The following RIPOR2 variants were observed in gnomAD, a reference collection of about 807,000 sequenced individuals.
RIPOR2 encodes the protein RHO family interacting cell polarization regulator 2.
A neutral mutation model predicts 114.5 loss-of-function variants in RIPOR2; 39 were observed. The observed-to-expected ratio is 0.34, with a 90% CI of 0.26 to 0.44. The LOEUF (loss-of-function observed/expected upper bound fraction) is 0.44, where lower values mean the gene tolerates loss of function less well. RIPOR2 is among the 20% of genes least tolerant of loss of function. The pLI, the probability that RIPOR2 is intolerant of heterozygous loss-of-function variation, is 1.00. For missense variants in RIPOR2, 1,007 were observed against 1,255.1 expected, an observed-to-expected ratio of 0.80 and a Z score of 2.99; for synonymous variants, 445 against 484.4, an observed-to-expected ratio of 0.92 and a Z score of 1.07.
At chr6:24,877,991 G>A (rs1765967052) in intron 1 of RIPOR2, among the ~76,000 whole-genome samples, 3 of 152,120 alleles carry the variant, frequency 2.0e-5, no homozygotes, top group African/African-American at 7.2e-5. Flanking sequence ...ACAGGTGACT[G>A]GGATGAGTCA....
Position 24,883,229 on chromosome 6 carries a change from A to G in RIPOR2, c.62-7412T>C, listed in dbSNP as rs1766512991. 6.6e-6 allele frequency among the ~76,000 whole-genome samples: 1 copy of G among 152,226 alleles called. No homozygotes were observed. Among genetic ancestry groups the G allele is most frequent in the African/African-American group, 2.4e-5 (1 of 41,452 alleles). On this transcript the variant is annotated intron_variant, in intron 1 of 21. Coordinates refer to ENST00000643898, the MANE Select transcript of RIPOR2 (RefSeq NM_001286445.3). This position sits in a 1 kb window ranked among gnomAD's most constrained non-coding sequence, Gnocchi z 4.1. ...GACACATCTGTGATTTCTGAATGAC[A>G]TGAGTAAGGATATCTCAGTTCTCGC...
At chr6:24,838,958 A>G (rs934633296) in intron 14 of RIPOR2, 133 bp downstream of exon 14, 19 of 665,096 alleles carry the variant, frequency 2.9e-5, no homozygotes, top group African/African-American at 2.5e-4. Flanking sequence ...AAGGAACTGT[A>G]AGCCAACTGG....
At chr6:24,914,414 A>T (rs1769911231) in intron 1 of RIPOR2, among the ~76,000 whole-genome samples, 1 of 152,182 alleles carries the variant, frequency 6.6e-6, no homozygotes, top group Admixed American at 6.5e-5. Flanking sequence ...AATTGAGTGC[A>T]ACCCAGGTGC....
intron 1 of RIPOR2, among the ~76,000 whole-genome samples, chr6:24,960,838 A>C (rs1773269424): frequency 6.6e-6 from 1 of 152,020 alleles, no homozygotes; most frequent in South Asian, 2.1e-4. Flanking sequence ...CCTCAACACG[A>C]ATTTTGGAGA....
At chr6:24,911,426 C>A (rs1303267557) in intron 1 of RIPOR2, among the ~76,000 whole-genome samples, 1 of 151,554 alleles carries the variant, frequency 6.6e-6, no homozygotes, top group Non-Finnish European at 1.5e-5. Context: ...CTTTTGGGAT[C>A]TTTCATACAA....
intron 1 of RIPOR2, among the ~76,000 whole-genome samples, chr6:24,946,070 A>T (rs1004268405): frequency 3.0e-5 from 4 of 131,434 alleles, no homozygotes; most frequent in Non-Finnish European, 4.8e-5. Flanking sequence ...TTATTTACTT[A>T]TTTATTTATT....
intron 1 of RIPOR2, chr6:25,024,438 A>C (rs1215965852): frequency 2.0e-6 from 2 of 988,404 alleles, no homozygotes; most frequent in African/African-American, 3.2e-5. Flanking sequence ...GGAGGTGTCC[A>C]GGCCGCCACC....
intron 1 of RIPOR2, among the ~76,000 whole-genome samples, chr6:25,017,733 C>T (rs375652367): frequency 3.9e-5 from 6 of 152,304 alleles, no homozygotes; most frequent in Non-Finnish European, 7.3e-5. Context: ...GTGGTAGCTG[C>T]GGTGTGGGAG....
chr6:25,009,705 G>A (rs1275538540), intron 1 of RIPOR2, among the ~76,000 whole-genome samples: 4 of 152,186 alleles, frequency 2.6e-5, no homozygotes, highest in Non-Finnish European at 5.9e-5. Context: ...CTCCCATAAA[G>A]TCTATCTAAC....
chr6:24,858,884 C>A lies in RIPOR2; in HGVS notation c.715+2089G>T, dbSNP rs1409181901. On this transcript the variant is annotated intron_variant, in intron 8 of 21. Coordinates refer to ENST00000643898, the MANE Select transcript of RIPOR2 (RefSeq NM_001286445.3). This position sits in a 1 kb window ranked among gnomAD's most constrained non-coding sequence, Gnocchi z 4.0. ...CATCATCTCCTCCCTGAACACCAAGCCTGAAGCTCCAGATCTGGTCCGAGG... is the reference window on the plus strand; with the variant it reads ...CATCATCTCCTCCCTGAACACCAAGACTGAAGCTCCAGATCTGGTCCGAGG... Among the ~76,000 whole-genome samples, 2 of 152,152 alleles carry A rather than the reference C, an allele frequency of 1.3e-5. No homozygotes were observed. The highest frequency in any genetic ancestry group is 2.9e-5 in the Non-Finnish European group (2 of 68,032).
chr6:24,973,503 A>G (rs1773887699), intron 1 of RIPOR2, among the ~76,000 whole-genome samples: 4 of 151,680 alleles, frequency 2.6e-5, no homozygotes, highest in Admixed American at 2.6e-4. Flanking sequence ...AGGCTGAGGC[A>G]GGAGAATAGC....
chr6:24,846,161 CAT>C (rs1762246208), intron 12 of RIPOR2, among the ~76,000 whole-genome samples: 1 of 152,144 alleles, frequency 6.6e-6, no homozygotes, highest in African/African-American at 2.4e-5. Flanking sequence ...CATGAATATA[CAT>C]GTTATGTTAA....
Position 24,806,284 on chromosome 6 carries a change from G to C in RIPOR2, c.*89C>G. The stretch of plus-strand genomic sequence containing the variant: ...TTTATTTCAGTTGTCGTGTCTCTCA[G>C]GCTCTAAACAATTTCCAGCCCAAAC... On this transcript the variant is annotated 3_prime_UTR_variant, in exon 22 of 22. Coordinates refer to ENST00000643898, the MANE Select transcript of RIPOR2 (RefSeq NM_001286445.3). 6.7e-6 allele frequency: 6 copies of C among 901,446 alleles called. No homozygotes were observed. Among genetic ancestry groups the C allele is most frequent in the Middle Eastern group, 2.1e-4 (1 of 4,684 alleles). The allele number at this position is 901,446 out of a possible 1,614,324, so 55.8% of individuals were successfully genotyped here. A position where few individuals can be genotyped will look rare whatever the true frequency, so the allele number is the denominator to read the frequency against.
intron 1 of RIPOR2, among the ~76,000 whole-genome samples, chr6:24,973,545 T>C (rs1773890771): frequency 6.7e-6 from 1 of 148,250 alleles, no homozygotes; most frequent in Non-Finnish European, 1.5e-5. Flanking sequence ...TGCAGGGAGC[T>C]GAGATCACAC....
chr6:24,945,577 G>A (rs1399404762), intron 1 of RIPOR2, among the ~76,000 whole-genome samples: 6 of 152,072 alleles, frequency 3.9e-5, no homozygotes, highest in African/African-American at 1.4e-4. Context: ...ATATATAAAG[G>A]TGTAATTTGT....
intron 5 of RIPOR2, among the ~76,000 whole-genome samples, chr6:24,870,576 G>A (rs899174048): frequency 1.3e-5 from 2 of 152,130 alleles, no homozygotes; most frequent in Admixed American, 6.5e-5. Context: ...GTGCAATCAC[G>A]GCTCACTGCT....
chr6:24,901,713 G>A (rs1209206175), intron 1 of RIPOR2, among the ~76,000 whole-genome samples: 1 of 152,158 alleles, frequency 6.6e-6, no homozygotes, highest in Non-Finnish European at 1.5e-5. Context: ...GGGAGGGCAG[G>A]AAGAACAAAT....
chr6:24,850,567 G>C, intron 10 of RIPOR2, 30 bp downstream of exon 10: 1 of 1,613,322 alleles, frequency 6.2e-7, no homozygotes, highest in Non-Finnish European at 8.5e-7. Flanking sequence ...GTGGCACCAG[G>C]AAAGACAACA....
At chr6:24,908,354 GCAAACCCTT>G in intron 1 of RIPOR2, among the ~76,000 whole-genome samples, 2 of 152,340 alleles carry the variant, frequency 1.3e-5, no homozygotes, top group Middle Eastern at 6.8e-3. Context: ...ACTCTGGTTT[GCAAACCCTT>G]CAACCCAAGG....
Sources: gnomAD v4.1 joint callset for allele counts (sites outside exome capture counted in the v4.1 genomes callset) on GRCh38, gnomAD v4.1.1 for gene constraint, Gnocchi (gnomAD v3.1) non-coding constraint, MANE v1.5 for transcripts, NCBI Gene and HGNC (gene_info 2026-07-23, HGNC 2026-07-21) for gene names.